The following LRRC1 variants were observed in gnomAD, a reference collection of about 807,000 sequenced individuals.
LRRC1 encodes leucine-rich repeat-containing protein 1.
LRRC1 carries 28 observed loss-of-function variants against 69.9 expected under a neutral mutation model. The ratio of observed to expected loss-of-function variants is 0.40; its 90% CI spans 0.30 to 0.55. The LOEUF (loss-of-function observed/expected upper bound fraction) is 0.55, where lower values mean the gene tolerates loss of function less well. Ranked by LOEUF, LRRC1 falls within the 20% of genes least tolerant of loss-of-function variation. LRRC1 has a pLI of 0.47. For missense variants in LRRC1, 498 were observed against 609.0 expected, an observed-to-expected ratio of 0.82 and a Z score of 1.92; for synonymous variants, 236 against 240.2, an observed-to-expected ratio of 0.98 and a Z score of 0.16.
intron 3 of LRRC1, among the ~76,000 whole-genome samples, chr6:53,882,668 T>C (rs1188360408): frequency 6.6e-6 from 1 of 152,190 alleles, no homozygotes; most frequent in Non-Finnish European, 1.5e-5. Flanking sequence ...TAACAATGTG[T>C]TTATCATGCC....
At chr6:53,886,152 G>A (rs1767469461) in intron 4 of LRRC1, among the ~76,000 whole-genome samples, 1 of 152,070 alleles carries the variant, frequency 6.6e-6, no homozygotes, top group Non-Finnish European at 1.5e-5. Context: ...TTTACAGTGA[G>A]TCCTCACATA....
chr6:53,896,382 G>T, intron 4 of LRRC1, 116 bp from the exon 5 acceptor site: 1 of 792,166 alleles, frequency 1.3e-6, no homozygotes, highest in South Asian at 1.5e-5. Flanking sequence ...CCTGGTAAGT[G>T]ACCTACTAGG....
chr6:53,879,444 C>A (rs1399602107), intron 3 of LRRC1, among the ~76,000 whole-genome samples: 2 of 152,108 alleles, frequency 1.3e-5, no homozygotes, highest in Non-Finnish European at 2.9e-5. Flanking sequence ...CGCCACCATG[C>A]CTGGCTAATT....
At chr6:53,849,457 G>A (rs142068040) in intron 2 of LRRC1, among the ~76,000 whole-genome samples, 238 of 152,316 alleles carry the variant, frequency 1.6e-3, no homozygotes, top group African/African-American at 5.5e-3. Context: ...CAGCCACAGT[G>A]CTCACATCAT....
chr6:53,826,093 G>A (rs1380220956), intron 1 of LRRC1, among the ~76,000 whole-genome samples: 2 of 151,572 alleles, frequency 1.3e-5, no homozygotes, highest in Non-Finnish European at 2.9e-5. Flanking sequence ...GAACACACTA[G>A]GTCAGAGCAT....
chr6:53,886,592 A>G (rs2127432634), intron 4 of LRRC1, among the ~76,000 whole-genome samples: 1 of 152,290 alleles, frequency 6.6e-6, no homozygotes, highest in Non-Finnish European at 1.5e-5. Context: ...TATGATTTTC[A>G]TACACTTTGT....
chr6:53,890,734 T>C (rs1353577623), intron 4 of LRRC1, among the ~76,000 whole-genome samples: 1 of 152,118 alleles, frequency 6.6e-6, no homozygotes, highest in Non-Finnish European at 1.5e-5. Context: ...TGAATTCTAA[T>C]TTGATGCTGA....
intron 2 of LRRC1, among the ~76,000 whole-genome samples, chr6:53,848,769 T>C (rs1375650169): frequency 6.6e-6 from 1 of 151,980 alleles, no homozygotes; most frequent in Non-Finnish European, 1.5e-5. Context: ...ACTCTTTTTT[T>C]TTTCCAAGAC....
chr6:53,835,793 C>T (rs932837509), intron 1 of LRRC1, among the ~76,000 whole-genome samples: 5 of 152,140 alleles, frequency 3.3e-5, no homozygotes, highest in Non-Finnish European at 7.3e-5. Flanking sequence ...ACATAATCTA[C>T]CCAGTTTTCA....
At chr6:53,840,927 T>TGCGC (rs1554181920) in intron 1 of LRRC1, among the ~76,000 whole-genome samples, 1,380 of 132,544 alleles carry the variant, frequency 0.01, 27 homozygotes, top group African/African-American at 0.031. Context: ...TGTGTGTGTG[T>TGCGC]GCGTGCGCGC....
At chr6:53,889,324 T>A (rs145160643) in intron 4 of LRRC1, among the ~76,000 whole-genome samples, 264 of 152,210 alleles carry the variant, frequency 1.7e-3, no homozygotes, top group African/African-American at 6.1e-3. Flanking sequence ...TTGAACATAG[T>A]TACCATGTGA....
At chr6:53,815,867 C>G (rs980254801) in intron 1 of LRRC1, among the ~76,000 whole-genome samples, 5 of 152,176 alleles carry the variant, frequency 3.3e-5, no homozygotes, top group Non-Finnish European at 7.3e-5. Context: ...GTTTTTAATG[C>G]TAACACTGAA....
intron 10 of LRRC1, among the ~76,000 whole-genome samples, chr6:53,911,168 G>A (rs2127440825): frequency 6.6e-6 from 1 of 152,344 alleles, no homozygotes; most frequent in South Asian, 2.1e-4. Context: ...ATGGGTGTGA[G>A]ATTAGAGTGG....
chr6:53,801,703 G>A (rs186650104), intron 1 of LRRC1, among the ~76,000 whole-genome samples: 2 of 152,262 alleles, frequency 1.3e-5, no homozygotes, highest in East Asian at 1.9e-4. Context: ...TCTGGGGTTA[G>A]TGGAGATTAG....
chr6:53,839,126 TATTTGA>T, intron 1 of LRRC1, among the ~76,000 whole-genome samples: 1 of 152,228 alleles, frequency 6.6e-6, no homozygotes, highest in Middle Eastern at 3.4e-3. Context: ...TCATTTTTCT[TATTTGA>T]AATGTATGTT....
intron 2 of LRRC1, among the ~76,000 whole-genome samples, chr6:53,861,348 T>G (rs1319312342): frequency 6.6e-6 from 1 of 151,670 alleles, no homozygotes; most frequent in Admixed American, 6.6e-5. Context: ...CCAGGTGATT[T>G]TGATCTCAGC....
In LRRC1 at chr6:53,922,809, T is replaced by C. The variant is rs1283556197; in HGVS notation, c.*16T>C. The C allele has an allele frequency of 6.2e-7, 1 of 1,609,318 alleles. No homozygotes were observed. Among genetic ancestry groups the C allele is most frequent in the Admixed American group, 1.7e-5 (1 of 59,886 alleles). ...TTCTGTGTAGAGTTTCACCTCCAAG[T>C]TTTACCTCCTGTGTCTTCCTCTGCT... On this transcript the variant is annotated 3_prime_UTR_variant, in exon 14 of 14. Transcript: ENST00000370888.
Position 53,899,857 on chromosome 6 carries a change from C to A in LRRC1, c.753C>A (p.Ser251=), listed in dbSNP as rs758553870. The A allele has an allele frequency of 3.1e-6, 5 of 1,613,886 alleles. No individual in the cohort carries two copies. In the East Asian group the frequency reaches 1.1e-4, roughly 36 times the overall value. Residue 251 remains serine (S), a synonymous_variant, in exon 8 of 14, where the codon TCC becomes TCA. Coordinates refer to ENST00000370888, the MANE Select transcript of LRRC1 (RefSeq NM_018214.5). The part of the protein sequence containing the change: ...GLTSLTDLVI[S]QNLLETIPDG... ...CTTCATTAACGGATTTAGTCATTTC[C>A]CAGAACTTATTAGAAACGATTCCGG...
chr6:53,813,904 T>C (rs1562026918), intron 1 of LRRC1, among the ~76,000 whole-genome samples: 1 of 152,198 alleles, frequency 6.6e-6, no homozygotes. Flanking sequence ...TAGGTAATGA[T>C]GGTAATCTGA....
Sources: gnomAD v4.1 joint callset for allele counts (sites outside exome capture counted in the v4.1 genomes callset) on GRCh38, gnomAD v4.1.1 for gene constraint, MANE v1.5 for transcripts, NCBI Gene and HGNC (gene_info 2026-07-23, HGNC 2026-07-21) for gene names.